The following VSNL1 variants were observed in gnomAD, a reference collection of about 807,000 sequenced individuals.
VSNL1 encodes the protein visinin like 1.
VSNL1 carries 6 observed loss-of-function variants against 20.4 expected under a neutral mutation model. The ratio of observed to expected loss-of-function variants is 0.29; its 90% confidence interval spans 0.16 to 0.58. VSNL1 has a LOEUF of 0.58. VSNL1 is among the 20% of genes least tolerant of loss of function. The probability of loss-of-function intolerance (pLI) is 0.90; values close to 1 mark genes in which losing one functional copy is unlikely to be tolerated. For synonymous variants in VSNL1, 93 were observed against 86.4 expected (o/e 1.08, Z -0.42); for missense variants, 100 against 234.5 (o/e 0.43, Z 3.75).
chr2:17,617,871 G>GCACATGCACATGCA (rs1665253632), intron 2 of VSNL1, among the ~76,000 whole-genome samples: 4 of 140,810 alleles, frequency 2.8e-5, no homozygotes, highest in Non-Finnish European at 6.5e-5. Context: ...CTGCATACAT[G>GCACATGCACATGCA]CACATGCACA....
intron 2 of VSNL1, among the ~76,000 whole-genome samples, chr2:17,641,680 A>G (rs1053664982): frequency 6.6e-6 from 1 of 152,222 alleles, no homozygotes; most frequent in Non-Finnish European, 1.5e-5. Context: ...GACATTTCCA[A>G]TGGAGATAGA....
intron 1 of VSNL1, among the ~76,000 whole-genome samples, chr2:17,587,301 C>T (rs1174923065): frequency 6.7e-6 from 1 of 149,682 alleles, no homozygotes; most frequent in Non-Finnish European, 1.5e-5. Flanking sequence ...CTGGTATGTT[C>T]TGGAAGACTG....
rs573528846 is a variant in VSNL1 at position 17,623,367 on chromosome 2, C to G, written c.163-26043C>G. Among the ~76,000 whole-genome samples the G allele has an allele frequency of 9.2e-5, 14 of 152,100 alleles. No homozygotes were observed. The South Asian group carries it at 1.0e-3, about 11-fold the overall frequency. ...TGCCACAACAGAAAAATGGCAAGAA[C>G]AGTTAAATCAGAGCAACCCCGGCTG... is the stretch of plus-strand genomic sequence containing the variant. On this transcript the variant is annotated intron_variant, in intron 2 of 3. Coordinates refer to ENST00000295156, the MANE Select transcript of VSNL1 (RefSeq NM_003385.5).
chr2:17,583,897 C>A (rs1206986721), intron 1 of VSNL1, among the ~76,000 whole-genome samples: 2 of 152,208 alleles, frequency 1.3e-5, no homozygotes, highest in African/African-American at 4.8e-5. Context: ...AACAGTCCCC[C>A]TCTCCATCAT....
chr2:17,649,963 C>T lies in VSNL1; in HGVS notation c.378+338C>T, dbSNP rs904117815. On this transcript the variant is annotated intron_variant, in intron 3 of 3. Coordinates refer to ENST00000295156, the MANE Select transcript of VSNL1 (RefSeq NM_003385.5). The surrounding 1 kb of genome is among the most constrained non-coding windows in gnomAD (Gnocchi z 6.4). Reference sequence around the variant, plus strand: ...TCTGCTCTGCCTCACTCCAGCTGCGCCTAGTGGGGACCCGAGGCTGTCAGG... The same window carrying T: ...TCTGCTCTGCCTCACTCCAGCTGCGTCTAGTGGGGACCCGAGGCTGTCAGG... Among the ~76,000 whole-genome samples, 13 of 152,210 alleles carry T rather than the reference C, an allele frequency of 8.5e-5. No individual in the cohort carries two copies. Among genetic ancestry groups the T allele is most frequent in the African/African-American group, 3.1e-4 (13 of 41,458 alleles).
intron 1 of VSNL1, among the ~76,000 whole-genome samples, chr2:17,584,910 G>A (rs911821267): frequency 6.6e-6 from 1 of 152,084 alleles, no homozygotes; most frequent in Non-Finnish European, 1.5e-5. Flanking sequence ...AAAACAAAGG[G>A]GTTGGATCAG....
At chr2:17,599,402 C>T (rs989739741) in intron 2 of VSNL1, among the ~76,000 whole-genome samples, 1 of 152,310 alleles carries the variant, frequency 6.6e-6, no homozygotes, top group South Asian at 2.1e-4. Flanking sequence ...TGTTTTTGAG[C>T]CCCTGTTCCT....
chr2:17,592,002 T>A, intron 1 of VSNL1, 68 bp from the exon 2 acceptor site: 1 of 1,589,474 alleles, frequency 6.3e-7, no homozygotes, highest in Non-Finnish European at 8.6e-7. Flanking sequence ...GAACTCTAGC[T>A]TGGCTCCTAA....
rs572747369 is a variant in VSNL1, at chr2:17,552,588, C to G, written c.-6+11670C>G. Among the ~76,000 whole-genome samples, 264 of 152,240 alleles carry G rather than the reference C, an allele frequency of 1.7e-3. 2 individuals are homozygous for G. Among genetic ancestry groups the G allele is most frequent in the South Asian group, 4.4e-3 (21 of 4,822 alleles). On this transcript the variant is annotated intron_variant, in intron 1 of 3. Coordinates refer to ENST00000295156, the MANE Select transcript of VSNL1 (RefSeq NM_003385.5). ...ACTGCCGTCCCCATCCTTCCTCTCT[C>G]TAATGGGTTAATTTGAACGAATTAA...
intron 2 of VSNL1, among the ~76,000 whole-genome samples, chr2:17,639,399 G>A (rs1665832937): frequency 6.6e-6 from 1 of 152,150 alleles, no homozygotes; most frequent in Admixed American, 6.5e-5. Flanking sequence ...GCCTCTCTCT[G>A]CCTCCCTAAC....
chr2:17,555,189 G>C (rs1303169017), intron 1 of VSNL1, among the ~76,000 whole-genome samples: 1 of 152,142 alleles, frequency 6.6e-6, no homozygotes, highest in Non-Finnish European at 1.5e-5. Context: ...AGGCCTGAGA[G>C]GTCATAACAC....
chr2:17,586,944 T>A (rs1183994413), intron 1 of VSNL1, among the ~76,000 whole-genome samples: 4 of 152,116 alleles, frequency 2.6e-5, no homozygotes, highest in Non-Finnish European at 4.4e-5. Context: ...TTTCAGGATA[T>A]GAGTGAAGAG....
intron 1 of VSNL1, among the ~76,000 whole-genome samples, chr2:17,566,614 CTATT>C (rs1410434532): frequency 6.6e-6 from 1 of 152,100 alleles, no homozygotes; most frequent in Non-Finnish European, 1.5e-5. Context: ...TGAATGCAAA[CTATT>C]TGTTATATAC....
intron 2 of VSNL1, among the ~76,000 whole-genome samples, chr2:17,598,335 T>G (rs1328338112): frequency 6.6e-6 from 1 of 152,204 alleles, no homozygotes; most frequent in Admixed American, 6.5e-5. Flanking sequence ...TTTGAACAAG[T>G]GCCTTTGTTT....
intron 2 of VSNL1, among the ~76,000 whole-genome samples, chr2:17,613,396 C>T (rs1268198924): frequency 1.3e-5 from 2 of 152,212 alleles, no homozygotes; most frequent in Non-Finnish European, 2.9e-5. Context: ...CATGTACCTA[C>T]ACCCCTGAGA....
intron 2 of VSNL1, among the ~76,000 whole-genome samples, chr2:17,621,243 CTTTT>C (rs1168531508): frequency 1.3e-5 from 2 of 151,418 alleles, no homozygotes; most frequent in Non-Finnish European, 3.0e-5. Flanking sequence ...TTCTTTCCTT[CTTTT>C]TCTTTCTTTC....
chr2:17,570,061 T>C (rs904069408), intron 1 of VSNL1, among the ~76,000 whole-genome samples: 1 of 152,240 alleles, frequency 6.6e-6, no homozygotes, highest in Non-Finnish European at 1.5e-5. Flanking sequence ...GGAGACATTT[T>C]GAAATCTTGC....
intron 2 of VSNL1, among the ~76,000 whole-genome samples, chr2:17,611,818 A>G (rs1171382547): frequency 1.3e-5 from 2 of 152,124 alleles, no homozygotes; most frequent in Non-Finnish European, 2.9e-5. Context: ...GTCTCTCATC[A>G]ATTTATTAAT....
At chr2:17,652,181 CAG>C (rs895895655) in intron 3 of VSNL1, among the ~76,000 whole-genome samples, 8 of 148,256 alleles carry the variant, frequency 5.4e-5, no homozygotes, top group South Asian at 2.1e-4. Flanking sequence ...TATAACTAGA[CAG>C]AGAATATAAA....
Sources: gnomAD v4.1 joint callset for allele counts (sites outside exome capture counted in the v4.1 genomes callset) on GRCh38, gnomAD v4.1.1 for gene constraint, Gnocchi (gnomAD v3.1) non-coding constraint, MANE v1.5 for transcripts, NCBI Gene and HGNC (gene_info 2026-07-23, HGNC 2026-07-21) for gene names.